The following TMEM38B variants were observed in gnomAD, a reference collection of about 807,000 sequenced individuals.
The protein encoded by TMEM38B is transmembrane protein 38B, also known as trimeric intracellular cation channel type B.
A neutral mutation model predicts 28.7 loss-of-function variants in TMEM38B; 24 were observed. The ratio of observed to expected loss-of-function variants is 0.84; its 90% confidence interval spans 0.61 to 1.18. The LOEUF (loss-of-function observed/expected upper bound fraction) is 1.18, where lower values mean the gene tolerates loss of function less well. TMEM38B is among the 50% of genes most tolerant of loss of function. The pLI, the probability that TMEM38B is intolerant of heterozygous loss-of-function variation, is 0.00. For missense variants in TMEM38B, 380 were observed against 350.9 expected (o/e 1.08, Z -0.66); for synonymous variants, 131 against 127.7 (o/e 1.03, Z -0.17).
chr9:105,764,605 A>T (rs994253222), intron 5 of TMEM38B, among the ~76,000 whole-genome samples: 1 of 152,034 alleles, frequency 6.6e-6, no homozygotes, highest in Non-Finnish European at 1.5e-5. Context: ...ATGGAAGAAC[A>T]TTCCATGCTC....
At chr9:105,769,564 A>C (rs1647041129) in intron 5 of TMEM38B, among the ~76,000 whole-genome samples, 1 of 152,092 alleles carries the variant, frequency 6.6e-6, no homozygotes, top group Non-Finnish European at 1.5e-5. Context: ...CCTTCCCGCA[A>C]ACGAAAAATT....
At chr9:105,772,345 T>TTTGATA in intron 5 of TMEM38B, among the ~76,000 whole-genome samples, 1 of 152,304 alleles carries the variant, frequency 6.6e-6, no homozygotes, top group South Asian at 2.1e-4. Context: ...CTCAGGTCCT[T>TTTGATA]ACAGCTTTGG....
At chr9:105,772,561 T>A (rs1246182869) in intron 5 of TMEM38B, among the ~76,000 whole-genome samples, 1 of 152,168 alleles carries the variant, frequency 6.6e-6, no homozygotes, top group Non-Finnish European at 1.5e-5. Context: ...TAGCAGTTAC[T>A]TTATGTACTT....
intron 4 of TMEM38B, among the ~76,000 whole-genome samples, chr9:105,725,081 C>G (rs1836458906): frequency 1.3e-5 from 2 of 151,966 alleles, no homozygotes; most frequent in Non-Finnish European, 2.9e-5. Flanking sequence ...TTGTCACTAC[C>G]TAGAACGATT....
intron 1 of TMEM38B, among the ~76,000 whole-genome samples, chr9:105,704,719 T>A (rs1588388622): frequency 6.7e-6 from 1 of 150,066 alleles, no homozygotes; most frequent in Non-Finnish European, 1.5e-5. Flanking sequence ...AGATCAGGAG[T>A]TTGAGACCAG....
At chr9:105,704,961 A>G (rs72730831) in intron 1 of TMEM38B, among the ~76,000 whole-genome samples, 17,707 of 151,874 alleles carry the variant, frequency 0.12, 1,295 homozygotes, top group Middle Eastern at 0.25. Flanking sequence ...AGAAGTGATG[A>G]TGTGTTCTCA....
chr9:105,757,182 A>T (rs977069120), intron 5 of TMEM38B, among the ~76,000 whole-genome samples: 1 of 152,154 alleles, frequency 6.6e-6, no homozygotes, highest in African/African-American at 2.4e-5. Flanking sequence ...GAGTTACTTC[A>T]CTTAGAATAA....
chr9:105,721,988 T>G (rs1049069082), intron 3 of TMEM38B, among the ~76,000 whole-genome samples: 1 of 152,194 alleles, frequency 6.6e-6, no homozygotes, highest in African/African-American at 2.4e-5. Flanking sequence ...AGATTTATAG[T>G]TAATTAAGGT....
intron 2 of TMEM38B, among the ~76,000 whole-genome samples, chr9:105,707,892 C>T (rs576270064): frequency 1.7e-3 from 254 of 152,240 alleles, no homozygotes; most frequent in African/African-American, 5.8e-3. Flanking sequence ...AAAACTTTCC[C>T]AAAGACTTTT....
At chr9:105,723,004 A>G (rs938915592) in intron 4 of TMEM38B, among the ~76,000 whole-genome samples, 1 of 152,198 alleles carries the variant, frequency 6.6e-6, no homozygotes, top group African/African-American at 2.4e-5. Context: ...GACATCATCC[A>G]GATTTCAGGC....
intron 4 of TMEM38B, among the ~76,000 whole-genome samples, chr9:105,729,807 A>G (rs1428562445): frequency 3.3e-5 from 5 of 152,060 alleles, no homozygotes; most frequent in African/African-American, 1.2e-4. Context: ...ATCCCTTGTA[A>G]GTTGGATTCC....
At chr9:105,695,337 C>G (rs1015763927) in intron 1 of TMEM38B, among the ~76,000 whole-genome samples, 3 of 152,192 alleles carry the variant, frequency 2.0e-5, no homozygotes, top group African/African-American at 4.8e-5. Context: ...GTAGCCAGAC[C>G]AGGATTCCCC....
chr9:105,762,914 C>A (rs1292211815), intron 5 of TMEM38B, among the ~76,000 whole-genome samples: 145 of 142,870 alleles, frequency 1.0e-3, no homozygotes, highest in African/African-American at 3.9e-3. Flanking sequence ...TCCTCTCCAG[C>A]ACCTGTTGTT....
chr9:105,751,619 A>G (rs1837655441), intron 5 of TMEM38B, among the ~76,000 whole-genome samples: 1 of 152,204 alleles, frequency 6.6e-6, no homozygotes, highest in Admixed American at 6.5e-5. Flanking sequence ...GGCATCTCAT[A>G]ATTTAAGACC....
chr9:105,769,992 G>T (rs1266810913), intron 5 of TMEM38B, among the ~76,000 whole-genome samples: 2 of 152,116 alleles, frequency 1.3e-5, no homozygotes, highest in Non-Finnish European at 2.9e-5. Flanking sequence ...GATGAGAAGT[G>T]TCTTCAGGTA....
intron 4 of TMEM38B, among the ~76,000 whole-genome samples, chr9:105,739,166 T>C (rs1239632153): frequency 6.6e-6 from 1 of 152,218 alleles, no homozygotes; most frequent in Non-Finnish European, 1.5e-5. Context: ...TGAGCATAGA[T>C]GTATGGGTTT....
intron 4 of TMEM38B, among the ~76,000 whole-genome samples, chr9:105,732,625 G>A (rs1276747635): frequency 6.6e-6 from 1 of 151,060 alleles, no homozygotes; most frequent in Non-Finnish European, 1.5e-5. Context: ...TTTTATATGT[G>A]TGGTGTTATT....
intron 4 of TMEM38B, among the ~76,000 whole-genome samples, chr9:105,732,613 G>A (rs953568894): frequency 2.0e-5 from 3 of 151,960 alleles, no homozygotes; most frequent in Admixed American, 6.6e-5. Context: ...AAGATCAGAT[G>A]GTTTTATATG....
At chr9:105,767,224 A>G (rs1826404818) in intron 5 of TMEM38B, among the ~76,000 whole-genome samples, 1 of 151,640 alleles carries the variant, frequency 6.6e-6, no homozygotes, top group Non-Finnish European at 1.5e-5. Context: ...TCATTGAATG[A>G]TCTTGCCACC....
Sources: gnomAD v4.1 joint callset for allele counts (sites outside exome capture counted in the v4.1 genomes callset) on GRCh38, gnomAD v4.1.1 for gene constraint, MANE v1.5 for transcripts, NCBI Gene and HGNC (gene_info 2026-07-23, HGNC 2026-07-21) for gene names.